Variants in DYNC2H1 observed in about 807,000 individuals in gnomAD.
DYNC2H1 encodes cytoplasmic dynein 2 heavy chain 1.
DYNC2H1 carries 410 observed loss-of-function variants against 570.0 expected under a neutral mutation model. The observed-to-expected ratio is 0.72, with a 90% CI of 0.66 to 0.78. The LOEUF is 0.78. Among genes scored for constraint, DYNC2H1 ranks in the 30% least tolerant of loss-of-function variants. The pLI, the probability that DYNC2H1 is intolerant of heterozygous loss-of-function variation, is 0.00. For synonymous variants in DYNC2H1, 1,688 were observed against 1,677.6 expected, an observed-to-expected ratio of 1.01 and a Z score of -0.15; for missense variants, 4,865 against 5,046.4, an observed-to-expected ratio of 0.96 and a Z score of 1.09.
intron 43 of DYNC2H1, among the ~76,000 whole-genome samples, chr11:103,188,208 T>C (rs188529959): frequency 2.0e-5 from 3 of 152,232 alleles, no homozygotes; most frequent in Admixed American, 2.0e-4. Context: ...ACTTTCATTT[T>C]CTAGGCTAAT....
At chr11:103,471,429 A>G (rs113194122) in intron 88 of DYNC2H1, among the ~76,000 whole-genome samples, 224 of 152,340 alleles carry the variant, frequency 1.5e-3, no homozygotes, top group African/African-American at 5.1e-3. Flanking sequence ...CAAGTTTCCA[A>G]GCTTATGAAT....
intron 60 of DYNC2H1, among the ~76,000 whole-genome samples, chr11:103,232,223 G>T (rs1414170876): frequency 6.6e-6 from 1 of 151,908 alleles, no homozygotes; most frequent in East Asian, 1.9e-4. Flanking sequence ...TGTGTTAGGT[G>T]TTATACTGGG....
In DYNC2H1 at chr11:103,427,508, A is replaced by T. The variant is rs76241104; in HGVS notation, c.12367-8435A>T. 1.1e-3 allele frequency among the ~76,000 whole-genome samples: 161 copies of T among 152,304 alleles called. 3 individuals carry two copies. The East Asian group carries it at 0.03, about 28-fold the overall frequency. ...TTTTAAAAGACAAATACTGTCTTAG[A>T]CAAATTGTCACAACAAAATACTGTA... On this transcript the variant is annotated intron_variant, in intron 84 of 88. Transcript: ENST00000375735.
intron 55 of DYNC2H1, among the ~76,000 whole-genome samples, chr11:103,219,140 G>A (rs1275196844): frequency 6.6e-6 from 1 of 152,102 alleles, no homozygotes; most frequent in Non-Finnish European, 1.5e-5. Flanking sequence ...TGCCTTTAAT[G>A]TCGGCTATTT....
chr11:103,136,195 G>T (rs1325582821), intron 17 of DYNC2H1, among the ~76,000 whole-genome samples: 5 of 149,678 alleles, frequency 3.3e-5, no homozygotes, highest in Admixed American at 6.7e-5. Context: ...GTTTTTTTTG[G>T]TTTTTTATTT....
rs1241597328 is a variant in DYNC2H1 at position 103,326,987 on chromosome 11, G to C, written c.12039+2997G>C. Reference sequence around the variant, plus strand: ...CAGCTCACACATCCATGGTGGATGCGGGGTCCGCTGAGCTAGGATTCCATA... The same window carrying C: ...CAGCTCACACATCCATGGTGGATGCCGGGTCCGCTGAGCTAGGATTCCATA... On this transcript the variant is annotated intron_variant, in intron 82 of 88. Coordinates refer to ENST00000375735, the MANE Select transcript of DYNC2H1 (RefSeq NM_001377.3). This position sits in a 1 kb window ranked among gnomAD's most constrained non-coding sequence, Gnocchi z 6.1. 1.3e-5 allele frequency among the ~76,000 whole-genome samples: 2 copies of C among 152,182 alleles called. No homozygotes were observed. Among genetic ancestry groups the C allele is most frequent in the African/African-American group, 4.8e-5 (2 of 41,444 alleles).
At chr11:103,171,505 C>G (rs552186212) in intron 34 of DYNC2H1, among the ~76,000 whole-genome samples, 1 of 152,168 alleles carries the variant, frequency 6.6e-6, no homozygotes, top group South Asian at 2.1e-4. Context: ...ATCCACCCCC[C>G]TCGGCCTCCC....
intron 47 of DYNC2H1, among the ~76,000 whole-genome samples, chr11:103,197,192 G>A (rs556624890): frequency 3.8e-4 from 58 of 152,100 alleles, no homozygotes; most frequent in African/African-American, 1.4e-3. Context: ...CTTTCTCAAG[G>A]AGAGTTTTGA....
Position 103,148,488 on chromosome 11 carries a change from A to G in DYNC2H1, c.2819-2A>G. 6.4e-7 allele frequency: 1 copy of G among 1,556,704 alleles called. No individual in the cohort carries two copies. Among genetic ancestry groups the G allele is most frequent in the Non-Finnish European group, 8.7e-7 (1 of 1,149,380 alleles). The stretch of plus-strand genomic sequence containing the variant: ...TTCTTGTATTTCAATGTTACCACTC[A>G]GCTCATTTACATGAAATTGATACAT... On this transcript the variant is annotated splice_acceptor_variant, in intron 19 of 88. Transcript: ENST00000375735. LOFTEE classifies it high-confidence loss of function.
rs184809326 is a variant in DYNC2H1 at position 103,294,441 on chromosome 11, T to C, written c.11095+6836T>C. On this transcript the variant is annotated intron_variant, in intron 75 of 88. Coordinates refer to ENST00000375735, the MANE Select transcript of DYNC2H1 (RefSeq NM_001377.3). ...GCTGTTTTAGCACTATTGGGAACCCTAAGCCCAAGAACTCTATGACTCTTG... is the reference window on the plus strand; with the variant it reads ...GCTGTTTTAGCACTATTGGGAACCCCAAGCCCAAGAACTCTATGACTCTTG... 6.8e-4 allele frequency among the ~76,000 whole-genome samples: 103 copies of C among 152,322 alleles called. 2 individuals are homozygous for C. In the East Asian group the frequency reaches 0.019, roughly 28 times the overall value.
intron 81 of DYNC2H1, among the ~76,000 whole-genome samples, chr11:103,322,800 G>C (rs1304519149): frequency 6.6e-6 from 1 of 152,178 alleles, no homozygotes; most frequent in Non-Finnish European, 1.5e-5. Flanking sequence ...AATTGAGTTA[G>C]ATGAAAGACA....
rs889580306 is a variant in DYNC2H1, at chr11:103,176,426, C to T, written c.5866C>T (p.Pro1956Ser). ...VFEEANYEII[P>S]NQIKKALELY... is the part of the protein sequence containing the mutation. Reference sequence around the variant, plus strand: ...TGAAGAGGCCAATTATGAAATTATACCCAATCAGGTAACTGTCAAGAATAT... The same window carrying T: ...TGAAGAGGCCAATTATGAAATTATATCCAATCAGGTAACTGTCAAGAATAT... Residue 1956 changes from proline to serine, a missense_variant, in exon 37 of 89, where the codon CCC (proline) becomes TCC (serine). Pro to Ser is a moderately conservative substitution (Grantham distance 74, BLOSUM62 -1). Transcript: ENST00000375735. 1.3e-6 allele frequency: 2 copies of T among 1,522,258 alleles called. No homozygotes were observed. The highest frequency in any genetic ancestry group is 4.5e-5 in the Admixed American group (2 of 44,674). 94.3% of individuals were successfully genotyped at this position (1,522,258 alleles called of 1,614,324 possible).
At chr11:103,283,263 A>G (rs1263095417) in intron 73 of DYNC2H1, among the ~76,000 whole-genome samples, 178 bp downstream of exon 73, 1 of 152,120 alleles carries the variant, frequency 6.6e-6, no homozygotes, top group Non-Finnish European at 1.5e-5. Flanking sequence ...TAATTATTAA[A>G]CCTTTCATTT....
chr11:103,282,187 TA>T lies in DYNC2H1; in HGVS notation c.10771del (p.Thr3591ArgfsTer28). 1 of 1,608,244 alleles carries T rather than the reference TA, an allele frequency of 6.2e-7. No individual in the cohort carries two copies. Among genetic ancestry groups the T allele is most frequent in the Non-Finnish European group, 8.5e-7 (1 of 1,177,516 alleles). ...ATATTTTTATTCAATAGGAATGGGA[TA>T]CGTTTACAGGTGTGGTTGTTGGAGA... The part of the protein sequence containing the change: ...PELFQENEWD[T>X]FTGVVVGDML... On this transcript the variant is annotated frameshift_variant, in exon 72 of 89. Transcript: ENST00000375735. LOFTEE classifies it high-confidence loss of function.
chr11:103,292,766 G>A (rs985589531), intron 75 of DYNC2H1, among the ~76,000 whole-genome samples: 1 of 152,176 alleles, frequency 6.6e-6, no homozygotes, highest in Non-Finnish European at 1.5e-5. Flanking sequence ...GCAAGCTGCT[G>A]TTCTCACCAT....
intron 77 of DYNC2H1, among the ~76,000 whole-genome samples, chr11:103,306,542 T>C (rs1382077889): frequency 6.6e-6 from 1 of 152,110 alleles, no homozygotes. Context: ...TTTTTTTAGA[T>C]TTGCTAACCC....
Position 103,231,262 on chromosome 11 carries a change from A to T in DYNC2H1, c.9356A>T (p.Asn3119Ile). 1.3e-6 allele frequency: 2 copies of T among 1,592,980 alleles called. No homozygotes were observed. The highest frequency in any genetic ancestry group is 1.7e-6 in the Non-Finnish European group (2 of 1,167,218). ...TATAATATTGAGTTATATTTTAGGA[A>T]TCTGAAGAAAACTGAAGACAGAAAA... ...LETEQAGLESNLKKTEDRKRK... is the reference protein window; with the variant it reads ...LETEQAGLESILKKTEDRKRK... The change falls in exon 60 of 89, where the codon AAT becomes ATT. Residue 3119 changes from asparagine to isoleucine, a missense_variant and splice_region_variant. Coordinates refer to ENST00000375735, the MANE Select transcript of DYNC2H1 (RefSeq NM_001377.3).
intron 82 of DYNC2H1, among the ~76,000 whole-genome samples, chr11:103,342,508 C>CTTTT (rs3076506): frequency 2.8e-4 from 41 of 144,594 alleles, no homozygotes; most frequent in Non-Finnish European, 4.3e-4. Flanking sequence ...TCTGTGCCAC[C>CTTTT]TTTTTTTTTT....
intron 85 of DYNC2H1, among the ~76,000 whole-genome samples, chr11:103,438,874 T>A (rs1258698222): frequency 2.0e-5 from 3 of 152,102 alleles, no homozygotes; most frequent in Non-Finnish European, 4.4e-5. Flanking sequence ...CTGGGCACAG[T>A]GGCATGTGTC....
Sources: allele counts gnomAD v4.1 joint callset (sites outside exome capture counted in the v4.1 genomes callset), GRCh38; gene constraint gnomAD v4.1.1; non-coding constraint Gnocchi (gnomAD v3.1); transcripts MANE v1.5; gene names NCBI Gene and HGNC (gene_info 2026-07-23, HGNC 2026-07-21).